The following SYNPO2 variants were observed in gnomAD, a reference collection of about 807,000 sequenced individuals.
SYNPO2 encodes synaptopodin 2.
In SYNPO2, 56 loss-of-function variants were observed where a neutral mutation model predicts 85.0. The ratio of observed to expected loss-of-function variants is 0.66; its 90% CI spans 0.53 to 0.82. The LOEUF (loss-of-function observed/expected upper bound fraction) is 0.82. Ranked by LOEUF, SYNPO2 falls within the 40% of genes least tolerant of loss-of-function variation. The pLI, the probability that SYNPO2 is intolerant of heterozygous loss-of-function variation, is 0.00. For synonymous variants in SYNPO2, 602 were observed against 591.1 expected (o/e 1.02, Z -0.27); for missense variants, 1,575 against 1,534.2 (o/e 1.03, Z -0.44).
At chr4:118,871,275 C>CA (rs1560807963) in intron 1 of SYNPO2, among the ~76,000 whole-genome samples, 1 of 146,162 alleles carries the variant, frequency 6.8e-6, no homozygotes. Flanking sequence ...TTCTTTATTT[C>CA]TTTTTTTTTT....
Position 118,998,690 on chromosome 4 carries a change from C to G in SYNPO2, c.106-24740C>G, listed in dbSNP as rs80308019. On this transcript the variant is annotated intron_variant, in intron 1 of 4. Coordinates refer to ENST00000307142, the MANE Select transcript of SYNPO2 (RefSeq NM_133477.3). ...GTGCAACCTTTAACAGGGATCTTAACTTCTCTGGATCTCAGTTGTTCTGTC... is the reference window on the plus strand; with the variant it reads ...GTGCAACCTTTAACAGGGATCTTAAGTTCTCTGGATCTCAGTTGTTCTGTC... Among the ~76,000 whole-genome samples the G allele has an allele frequency of 6.4e-3, 968 of 152,304 alleles. 13 individuals are homozygous for G. The highest frequency in any genetic ancestry group is 0.022 in the African/African-American group (921 of 41,550).
chr4:119,013,274 A>T (rs1048681045), intron 1 of SYNPO2, among the ~76,000 whole-genome samples: 18 of 152,178 alleles, frequency 1.2e-4, no homozygotes, highest in African/African-American at 3.9e-4. Context: ...TTACATAAGG[A>T]TATCCTGATG....
intron 1 of SYNPO2, among the ~76,000 whole-genome samples, chr4:118,946,953 T>A (rs1446798471): frequency 6.6e-6 from 1 of 152,250 alleles, no homozygotes; most frequent in Non-Finnish European, 1.5e-5. Context: ...GTTGTTTCAC[T>A]GAACTTATTA....
chr4:118,989,288 G>A (rs1736325797), intron 1 of SYNPO2, among the ~76,000 whole-genome samples: 1 of 152,152 alleles, frequency 6.6e-6, no homozygotes, highest in Admixed American at 6.6e-5. Flanking sequence ...GAGAGGAGGT[G>A]TTCATCTTCT....
chr4:118,893,355 A>G (rs977255308), intron 1 of SYNPO2, among the ~76,000 whole-genome samples: 1 of 152,196 alleles, frequency 6.6e-6, no homozygotes, highest in African/African-American at 2.4e-5. Flanking sequence ...TGTAGCTTAC[A>G]TGTGTCAAGC....
chr4:118,898,589 A>G (rs1732623273), intron 1 of SYNPO2, among the ~76,000 whole-genome samples: 2 of 152,200 alleles, frequency 1.3e-5, no homozygotes, highest in African/African-American at 4.8e-5. Flanking sequence ...TTTTTTTAAC[A>G]GTGGAGGAAA....
intron 1 of SYNPO2, among the ~76,000 whole-genome samples, chr4:118,927,497 G>A (rs1165356280): frequency 2.0e-5 from 3 of 152,078 alleles, no homozygotes; most frequent in Admixed American, 6.6e-5. Context: ...AGTCTAAAGC[G>A]CAAGTCCTCT....
At chr4:118,927,738 AGATAGATAGAT>A (rs1202687481) in intron 1 of SYNPO2, among the ~76,000 whole-genome samples, 1 of 134,220 alleles carries the variant, frequency 7.5e-6, no homozygotes, top group Non-Finnish European at 1.6e-5. Flanking sequence ...ATAGATAGAT[AGATAGATAGAT>A]GATAGATAGA....
At chr4:119,013,138 A>G (rs1225987584) in intron 1 of SYNPO2, among the ~76,000 whole-genome samples, 1 of 152,182 alleles carries the variant, frequency 6.6e-6, no homozygotes, top group East Asian at 1.9e-4. Context: ...TGGATAGTGC[A>G]AAAACAATGG....
At position 119,059,649 on chromosome 4, in the gene SYNPO2, T is replaced by C. The variant is rs1365332253; in HGVS notation, c.*1715T>C. The C allele has an allele frequency of 2.0e-5, 3 of 152,130 alleles. No individual in the cohort carries two copies. The highest frequency in any genetic ancestry group is 2.9e-5 in the Non-Finnish European group (2 of 68,024). The allele number at this position is 152,130 out of a possible 1,614,324, so 9.4% of individuals were successfully genotyped here. A position where few individuals can be genotyped will look rare whatever the true frequency, so the allele number is the denominator to read the frequency against. On this transcript the variant is annotated 3_prime_UTR_variant, in exon 5 of 5. Transcript: ENST00000307142. The stretch of plus-strand genomic sequence containing the variant: ...TGTTACTTTTTTGCTCTTGAATGTA[T>C]CGTTATGATGGTCTCTTATAATCAT...
intron 4 of SYNPO2, among the ~76,000 whole-genome samples, chr4:119,039,931 A>C (rs1738655833): frequency 1.3e-5 from 2 of 152,182 alleles, no homozygotes; most frequent in Admixed American, 6.5e-5. Context: ...AGTGATTAAG[A>C]GTGTGGGCTC....
In SYNPO2 at chr4:119,032,720, CT is replaced by C. The variant is rs1242199331; in HGVS notation, c.3252+695del. The C allele has an allele frequency of 9.4e-6, 9 of 953,584 alleles. No homozygotes were observed. In the African/African-American group the frequency reaches 1.6e-4, roughly 17 times the overall value. 59.1% of individuals were successfully genotyped at this position (953,584 alleles called of 1,614,324 possible). ...ACATATATAAACTCATTTCAGAAAA[CT>C]TATTTAAAGTAAATGGGGCCGGGTA... On this transcript the variant is annotated intron_variant, in intron 4 of 4. Transcript: ENST00000307142.
rs1350323295 is a variant in SYNPO2 at position 119,031,583 on chromosome 4, T to C, written c.2808T>C (p.Ala936=). The C allele has an allele frequency of 6.2e-7, 1 of 1,614,162 alleles. No individual in the cohort carries two copies. Among genetic ancestry groups the C allele is most frequent in the East Asian group, 2.2e-5 (1 of 44,884 alleles). The change falls in exon 4 of 5, where the codon GCT becomes GCC. Residue 936 remains alanine, a synonymous_variant. Coordinates refer to ENST00000307142, the MANE Select transcript of SYNPO2 (RefSeq NM_133477.3). ...TCCACTCGCCGTCTTACCCACTGGC[T>C]GCTCTCAAGTCTCAGCCATCAGCTG... is the stretch of plus-strand genomic sequence containing the variant. The part of the protein sequence containing the change: ...NPIHSPSYPL[A]ALKSQPSAAQ...
chr4:118,900,069 C>A (rs1578530759), intron 1 of SYNPO2, among the ~76,000 whole-genome samples: 1 of 152,250 alleles, frequency 6.6e-6, no homozygotes, highest in South Asian at 2.1e-4. Flanking sequence ...GCCTGCTGTA[C>A]TTTTTATTTG....
chr4:118,962,424 G>C (rs955566464), intron 1 of SYNPO2, among the ~76,000 whole-genome samples: 1 of 152,086 alleles, frequency 6.6e-6, no homozygotes, highest in Non-Finnish European at 1.5e-5. Flanking sequence ...GCGATAACGG[G>C]TACCTACAGA....
chr4:118,996,496 A>C (rs1476628564), intron 1 of SYNPO2, among the ~76,000 whole-genome samples: 1 of 152,192 alleles, frequency 6.6e-6, no homozygotes, highest in African/African-American at 2.4e-5. Context: ...TGATTGAATA[A>C]ACAAAACAAT....
chr4:118,894,379 T>C (rs1578525577), intron 1 of SYNPO2, among the ~76,000 whole-genome samples: 1 of 151,368 alleles, frequency 6.6e-6, no homozygotes, highest in Non-Finnish European at 1.5e-5. Flanking sequence ...TCAGCGGGAG[T>C]GGGGAAGAGG....
At chr4:118,879,648 T>TG (rs1465013925) in intron 1 of SYNPO2, among the ~76,000 whole-genome samples, 1 of 152,146 alleles carries the variant, frequency 6.6e-6, no homozygotes, top group African/African-American at 2.4e-5. Context: ...GCCCAGCGTA[T>TG]GATACTGTGT....
intron 4 of SYNPO2, chr4:119,033,099 C>T: frequency 6.1e-6 from 6 of 985,314 alleles, no homozygotes; most frequent in Non-Finnish European, 7.2e-6. Context: ...TATTGTTTCA[C>T]CTGGAGAAAC....
Sources: gnomAD v4.1 joint callset for allele counts (sites outside exome capture counted in the v4.1 genomes callset) on GRCh38, gnomAD v4.1.1 for gene constraint, MANE v1.5 for transcripts, NCBI Gene and HGNC (gene_info 2026-07-23, HGNC 2026-07-21) for gene names.